Variants in KCNQ1 observed in about 807,000 individuals in gnomAD.
The protein encoded by KCNQ1 is potassium voltage-gated channel subfamily Q member 1.
In KCNQ1, 49 loss-of-function variants were observed where a neutral mutation model predicts 72.4. That is an observed-to-expected ratio of 0.68 (90% CI 0.54 to 0.86). KCNQ1 has a LOEUF of 0.86. Among genes scored for constraint, KCNQ1 ranks in the 40% least tolerant of loss-of-function variants. The probability of loss-of-function intolerance (pLI) is 0.00; values close to 1 mark genes in which losing one functional copy is unlikely to be tolerated. For missense variants in KCNQ1, 790 were observed against 945.1 expected, an observed-to-expected ratio of 0.84 and a Z score of 2.15; for synonymous variants, 450 against 412.6, an observed-to-expected ratio of 1.09 and a Z score of -1.10.
chr11:2,725,432 A>T lies in KCNQ1; in HGVS notation c.1515-43412A>T, dbSNP rs1456616287. Among the ~76,000 whole-genome samples, 1 of 152,168 alleles carries T rather than the reference A, an allele frequency of 6.6e-6. No individual in the cohort carries two copies. Among genetic ancestry groups the T allele is most frequent in the Admixed American group, 6.5e-5 (1 of 15,282 alleles). ...ACTTGGCCTGCTTTTTCCTCAGAAG[A>T]GCCCACTTTTTGCGTGGAGGTGACC... On this transcript the variant is annotated intron_variant, in intron 11 of 15. Coordinates refer to ENST00000155840, the MANE Select transcript of KCNQ1 (RefSeq NM_000218.3). The surrounding 1 kb of genome is among the most constrained non-coding windows in gnomAD (Gnocchi z 7.2).
chr11:2,585,392 A>G (rs1326980303), intron 8 of KCNQ1, 85 bp downstream of exon 8: 3 of 1,204,992 alleles, frequency 2.5e-6, no homozygotes, highest in Non-Finnish European at 3.6e-6. Context: ...TGTCAGAACC[A>G]TCATTGGCCC....
chr11:2,445,788 T>G (rs947208912), intron 1 of KCNQ1, among the ~76,000 whole-genome samples: 1 of 152,068 alleles, frequency 6.6e-6, no homozygotes, highest in African/African-American at 2.4e-5. Flanking sequence ...GTGTGAATCC[T>G]TCTGGGAAGA....
At chr11:2,793,627 A>G (rs336987) in intron 15 of KCNQ1, among the ~76,000 whole-genome samples, 3,755 of 152,290 alleles carry the variant, frequency 0.025, 75 homozygotes, top group Non-Finnish European at 0.036. Flanking sequence ...CTATCTCTAA[A>G]AATAAAAGTA....
In KCNQ1 at chr11:2,526,470, G is replaced by A. The variant is rs1054583638; in HGVS notation, c.387-1458G>A. Among the ~76,000 whole-genome samples, 4 of 152,094 alleles carry A rather than the reference G, an allele frequency of 2.6e-5. No homozygotes were observed. The highest frequency in any genetic ancestry group is 4.8e-5 in the African/African-American group (2 of 41,418). ...GGAACCCAGGGAGGGGGCCTGAGCAGGGTCTTTGGCTGAGTGAGCCCTCAA... is the reference window on the plus strand; with the variant it reads ...GGAACCCAGGGAGGGGGCCTGAGCAAGGTCTTTGGCTGAGTGAGCCCTCAA... On this transcript the variant is annotated intron_variant, in intron 1 of 15. Coordinates refer to ENST00000155840, the MANE Select transcript of KCNQ1 (RefSeq NM_000218.3). The surrounding 1 kb of genome is among the most constrained non-coding windows in gnomAD (Gnocchi z 6.1).
In KCNQ1 at chr11:2,549,633, GC is replaced by G. The variant is rs1847950253; in HGVS notation, c.478-20994del. Reference sequence around the variant, plus strand: ...CTGCTCTGCGAGGCCCGGGGTAGGGGCGTGGGGGGGCCTCCTCCTCCCAAGC... The same window carrying G: ...CTGCTCTGCGAGGCCCGGGGTAGGGGGTGGGGGGGCCTCCTCCTCCCAAGC... On this transcript the variant is annotated intron_variant, in intron 2 of 15. Coordinates refer to ENST00000155840, the MANE Select transcript of KCNQ1 (RefSeq NM_000218.3). The surrounding 1 kb of genome is among the most constrained non-coding windows in gnomAD (Gnocchi z 6.2). Among the ~76,000 whole-genome samples the G allele has an allele frequency of 6.6e-6, 1 of 151,972 alleles. No homozygotes were observed.
intron 4 of KCNQ1, 31 bp downstream of exon 4, chr11:2,571,434 T>C (rs781671338): frequency 1.3e-6 from 2 of 1,589,238 alleles, no homozygotes; most frequent in South Asian, 2.2e-5. Flanking sequence ...CCCCCCGCCA[T>C]GCCGCCCCAC....
intron 15 of KCNQ1, among the ~76,000 whole-genome samples, chr11:2,806,768 C>T (rs1847381458): frequency 1.3e-5 from 2 of 152,220 alleles, no homozygotes; most frequent in Admixed American, 1.3e-4. Flanking sequence ...TGAGGGTGGC[C>T]CCCACCTGAC....
intron 2 of KCNQ1, among the ~76,000 whole-genome samples, chr11:2,540,965 G>A (rs551270512): frequency 6.6e-6 from 1 of 152,364 alleles, no homozygotes; most frequent in East Asian, 1.9e-4. Context: ...ATGGAGAAGA[G>A]GATGCACAGG....
chr11:2,620,808 C>T lies in KCNQ1; in HGVS notation c.1393+31954C>T, dbSNP rs1849156862. The T allele has an allele frequency of 5.0e-6, 2 of 398,474 alleles. No individual in the cohort carries two copies. The highest frequency in any genetic ancestry group is 8.8e-6 in the Non-Finnish European group (2 of 226,078). 24.7% of individuals were successfully genotyped at this position (398,474 alleles called of 1,614,324 possible). ...CTGAACTAATTTGTATTCCTGCCAA[C>T]AGTGTATAAGCGTTCCCTTTTCTCT... On this transcript the variant is annotated intron_variant, in intron 10 of 15. Coordinates refer to ENST00000155840, the MANE Select transcript of KCNQ1 (RefSeq NM_000218.3). The surrounding 1 kb of genome is among the most constrained non-coding windows in gnomAD (Gnocchi z 4.5).
At chr11:2,571,935 C>A in intron 4 of KCNQ1, 78 bp from the exon 5 acceptor site, 1 of 1,234,748 alleles carries the variant, frequency 8.1e-7, no homozygotes. Flanking sequence ...GACACCCATG[C>A]CATCGGCCAG....
At chr11:2,571,638 G>A (rs956603495) in intron 4 of KCNQ1, among the ~76,000 whole-genome samples, 1 of 152,036 alleles carries the variant, frequency 6.6e-6, no homozygotes, top group African/African-American at 2.4e-5. Flanking sequence ...CTCTGGCCCA[G>A]CACTAGCGCC....
At chr11:2,656,753 T>C (rs1288815797) in intron 10 of KCNQ1, 1 of 398,668 alleles carries the variant, frequency 2.5e-6, no homozygotes, top group East Asian at 3.6e-5. Flanking sequence ...TTCTCTCTCA[T>C]GGTTATTGCT....
Position 2,776,007 on chromosome 11 carries a change from G to A in KCNQ1, c.1638G>A (p.Ser546=), listed in dbSNP as rs1057128. Residue 546 remains serine, a synonymous_variant, in exon 13 of 16, where the codon TCG becomes TCA. Coordinates refer to ENST00000155840, the MANE Select transcript of KCNQ1 (RefSeq NM_000218.3). Reference sequence around the variant, plus strand: ...TGCGGGACGTCATTGAGCAGTACTCGCAGGGCCACCTCAACCTCATGGTGC... The same window carrying A: ...TGCGGGACGTCATTGAGCAGTACTCACAGGGCCACCTCAACCTCATGGTGC... ...YDVRDVIEQY[S]QGHLNLMVRI... 313,266 of 1,572,900 alleles carry A rather than the reference G, an allele frequency of 0.2. 33,479 individuals carry two copies. Among genetic ancestry groups the A allele is most frequent in the Admixed American group, 0.33 (17,628 of 52,838 alleles).
At chr11:2,814,810 G>A (rs1380285853) in intron 15 of KCNQ1, among the ~76,000 whole-genome samples, 1 of 152,156 alleles carries the variant, frequency 6.6e-6, no homozygotes, top group African/African-American at 2.4e-5. Context: ...TGCCTGCTGG[G>A]CAGACCAGTC....
chr11:2,586,905 C>T lies in KCNQ1; in HGVS notation c.1129-665C>T, dbSNP rs1013689706. Among the ~76,000 whole-genome samples the T allele has an allele frequency of 3.3e-5, 5 of 152,126 alleles. 1 individual carries two copies. The highest frequency in any genetic ancestry group is 9.7e-5 in the African/African-American group (4 of 41,414). ...TGGGAGCCCCTCCTGCCCATCTGGA[C>T]GCTGCACAACTGCTCCCCCGCCGGG... On this transcript the variant is annotated intron_variant, in intron 8 of 15. Coordinates refer to ENST00000155840, the MANE Select transcript of KCNQ1 (RefSeq NM_000218.3).
Position 2,497,547 on chromosome 11 carries a change from A to G in KCNQ1, c.387-30381A>G, listed in dbSNP as rs1846943455. ...ATTTATGTTCCTCTCTAAACTGGTT[A>G]TTCTAGTTAGCAGTTCCTGTAACCT... is the stretch of plus-strand genomic sequence containing the variant. On this transcript the variant is annotated intron_variant, in intron 1 of 15. Coordinates refer to ENST00000155840, the MANE Select transcript of KCNQ1 (RefSeq NM_000218.3). This position sits in a 1 kb window ranked among gnomAD's most constrained non-coding sequence, Gnocchi z 4.5. 6.6e-6 allele frequency among the ~76,000 whole-genome samples: 1 copy of G among 152,144 alleles called. No individual in the cohort carries two copies. Among genetic ancestry groups the G allele is most frequent in the African/African-American group, 2.4e-5 (1 of 41,430 alleles).
At chr11:2,499,043 G>T (rs1046894847) in intron 1 of KCNQ1, among the ~76,000 whole-genome samples, 1 of 152,116 alleles carries the variant, frequency 6.6e-6, no homozygotes, top group Admixed American at 6.5e-5. Context: ...TGCCCTCCGT[G>T]GGCTGCACCC....
At chr11:2,615,187 T>C (rs1849041482) in intron 10 of KCNQ1, 1 of 398,154 alleles carries the variant, frequency 2.5e-6, no homozygotes, top group South Asian at 1.3e-4. Flanking sequence ...ATTGACTTCC[T>C]TCTTGGGCTG....
intron 11 of KCNQ1, among the ~76,000 whole-genome samples, chr11:2,755,937 G>A (rs1020804694): frequency 4.6e-5 from 7 of 152,166 alleles, no homozygotes; most frequent in African/African-American, 1.4e-4. Context: ...CTTCATGGTC[G>A]AGGAACACAT....
Sources: allele counts gnomAD v4.1 joint callset (sites outside exome capture counted in the v4.1 genomes callset), GRCh38; gene constraint gnomAD v4.1.1; non-coding constraint Gnocchi (gnomAD v3.1); transcripts MANE v1.5; gene names NCBI Gene and HGNC (gene_info 2026-07-23, HGNC 2026-07-21).